REM1: variants seen among roughly 807,000 people sequenced by gnomAD.
The protein encoded by REM1 is RRAD and GEM like GTPase 1, also known as GTP-binding protein REM 1.
Under a neutral mutation model 27.0 loss-of-function variants are expected in REM1, and 20 were observed. The observed-to-expected ratio is 0.74, with a 90% CI of 0.52 to 1.08. The LOEUF (loss-of-function observed/expected upper bound fraction) is 1.08. Among genes scored for constraint, REM1 ranks in the 50% least tolerant of loss-of-function variants. The probability of loss-of-function intolerance (pLI) is 0.00; values close to 1 mark genes in which losing one functional copy is unlikely to be tolerated. For missense variants in REM1, 405 were observed against 407.0 expected (o/e 1.00, Z 0.04); for synonymous variants, 159 against 167.9 (o/e 0.95, Z 0.41).
At chr20:31,476,942 C>G (rs778926720) in intron 2 of REM1, among the ~76,000 whole-genome samples, 157 bp downstream of exon 2, 12 of 152,106 alleles carry the variant, frequency 7.9e-5, no homozygotes, top group Non-Finnish European at 1.6e-4. Flanking sequence ...TGCCCCCCCG[C>G]CCTCCAAAGT....
chr20:31,479,709 G>C (rs191400411), intron 3 of REM1, among the ~76,000 whole-genome samples: 1 of 152,298 alleles, frequency 6.6e-6, no homozygotes, highest in Admixed American at 6.5e-5. Context: ...TGATATCAGA[G>C]AGGCTGAATC....
rs368058077 is a variant in REM1, at chr20:31,476,408, A to G, written c.-38A>G. The stretch of plus-strand genomic sequence containing the variant: ...GACAGCCAATTCCCCCTTCTTTCAG[A>G]AGGAAAGAAGGAAGAAGCAAACCCC... On this transcript the variant is annotated 5_prime_UTR_variant, in exon 2 of 5. Coordinates refer to ENST00000201979, the MANE Select transcript of REM1 (RefSeq NM_014012.6). 1.2e-5 allele frequency: 17 copies of G among 1,466,328 alleles called. No homozygotes were observed. In the South Asian group the frequency reaches 2.1e-4, roughly 18 times the overall value. 90.8% of individuals were successfully genotyped at this position (1,466,328 alleles called of 1,614,324 possible). A position where few individuals can be genotyped will look rare whatever the true frequency, so the allele number is the denominator to read the frequency against.
In REM1 at chr20:31,476,313, G is replaced by C. The variant is rs1038402012; in HGVS notation, c.-133G>C. The C allele has an allele frequency of 1.4e-6, 1 of 728,612 alleles. No homozygotes were observed. The highest frequency in any genetic ancestry group is 1.8e-5 in the African/African-American group (1 of 56,280). 45.1% of individuals were successfully genotyped at this position (728,612 alleles called of 1,614,324 possible). A position where few individuals can be genotyped will look rare whatever the true frequency, so the allele number is the denominator to read the frequency against. On this transcript the variant is annotated 5_prime_UTR_variant, in exon 2 of 5. Coordinates refer to ENST00000201979, the MANE Select transcript of REM1 (RefSeq NM_014012.6). ...CTCCTACTCCCATCTGAACAAGAGG[G>C]GGATCTGGAAGAAGCCATACAGCAG...
chr20:31,476,724 GACCAGCTTGGCCAGCCTCTTTGC>G lies in REM1; in HGVS notation c.281_303del (p.Thr94ArgfsTer9). On this transcript the variant is annotated frameshift_variant, in exon 2 of 5. Transcript: ENST00000201979. LOFTEE classifies it high-confidence loss of function. ...TACTTGGAGATCCTGGAGTGGGGAAGACCAGCTTGGCCAGCCTCTTTGCAGGGAAGCAAGAGAGGGACCTCCAT... is the reference window on the plus strand; with the variant it reads ...TACTTGGAGATCCTGGAGTGGGGAAGAGGGAAGCAAGAGAGGGACCTCCAT... 6.2e-7 allele frequency: 1 copy of G among 1,614,042 alleles called. No individual in the cohort carries two copies. Among genetic ancestry groups the G allele is most frequent in the Non-Finnish European group, 8.5e-7 (1 of 1,179,984 alleles).
At chr20:31,477,936 G>A (rs747194812) in intron 3 of REM1, 26 bp downstream of exon 3, 4 of 1,464,980 alleles carry the variant, frequency 2.7e-6, no homozygotes, top group East Asian at 2.3e-5. Flanking sequence ...CAGAATTTGG[G>A]GAGAGGGGTG....
chr20:31,482,673 C>T (rs1980778221), intron 4 of REM1, among the ~76,000 whole-genome samples, 185 bp downstream of exon 4: 1 of 152,200 alleles, frequency 6.6e-6, no homozygotes, highest in South Asian at 2.1e-4. Flanking sequence ...GTCCCCAGAT[C>T]CTGTCAGGCC....
chr20:31,475,839 C>G lies in REM1; in HGVS notation c.-219-388C>G, dbSNP rs1006788980. Among the ~76,000 whole-genome samples, 2 of 152,230 alleles carry G rather than the reference C, an allele frequency of 1.3e-5. No individual in the cohort carries two copies. The highest frequency in any genetic ancestry group is 2.9e-5 in the Non-Finnish European group (2 of 68,040). On this transcript the variant is annotated intron_variant, in intron 1 of 4. Transcript: ENST00000201979. This position sits in a 1 kb window ranked among gnomAD's most constrained non-coding sequence, Gnocchi z 5.0. ...AGTCGGGTTACCCCCATACCCCCCT[C>G]GCGCTTCTGGAGTGCCAACCCGCCC...
chr20:31,476,383 G>A lies in REM1; in HGVS notation c.-63G>A, dbSNP rs1431540532. 5 of 1,356,068 alleles carry A rather than the reference G, an allele frequency of 3.7e-6. No individual in the cohort carries two copies. In the South Asian group the frequency reaches 4.1e-5, roughly 11 times the overall value. 84.0% of individuals were successfully genotyped at this position (1,356,068 alleles called of 1,614,324 possible). On this transcript the variant is annotated 5_prime_UTR_variant, in exon 2 of 5. Coordinates refer to ENST00000201979, the MANE Select transcript of REM1 (RefSeq NM_014012.6). ...AAGAAGCAGCTCAAAGCAATTGGCT[G>A]ACAGCCAATTCCCCCTTCTTTCAGA...
At chr20:31,480,881 T>C (rs1980706363) in intron 3 of REM1, among the ~76,000 whole-genome samples, 1 of 152,182 alleles carries the variant, frequency 6.6e-6, no homozygotes, top group Admixed American at 6.5e-5. Context: ...AAATGATCAG[T>C]ATGGCTGTTG....
intron 3 of REM1, among the ~76,000 whole-genome samples, chr20:31,479,974 A>T (rs924466403): frequency 6.6e-5 from 10 of 152,112 alleles, no homozygotes; most frequent in Non-Finnish European, 1.3e-4. Flanking sequence ...CTGTAATCCC[A>T]GCTACTCAGG....
intron 3 of REM1, among the ~76,000 whole-genome samples, chr20:31,480,056 T>G (rs1326044088): frequency 1.3e-5 from 2 of 151,808 alleles, no homozygotes; most frequent in Non-Finnish European, 2.9e-5. Flanking sequence ...GCCATTGCAC[T>G]CCAGCCTAGG....
In REM1 at chr20:31,484,288, C is replaced by T. The variant is rs1214988180; in HGVS notation, c.755C>T (p.Ala252Val). The stretch of plus-strand genomic sequence containing the variant: ...CGCTTGCGCCGCCGGGACAGTGCGG[C>T]CAAGGAACCCCCAGCACCCCGACGG... ...QLRLRRRDSAAKEPPAPRRPA... is the reference protein window; with the variant it reads ...QLRLRRRDSAVKEPPAPRRPA... The change falls in exon 5 of 5, where the codon GCC (alanine) becomes GTC (valine). Residue 252 changes from alanine to valine, a missense_variant. Transcript: ENST00000201979. 1.3e-6 allele frequency: 2 copies of T among 1,589,232 alleles called. No homozygotes were observed. The highest frequency in any genetic ancestry group is 2.7e-5 in the African/African-American group (2 of 74,670).
intron 3 of REM1, 73 bp from the exon 4 acceptor site, chr20:31,482,214 C>A: frequency 7.0e-7 from 1 of 1,436,732 alleles, no homozygotes; most frequent in Non-Finnish European, 9.7e-7. Context: ...CCCATTAGAC[C>A]ATCCCAGCTC....
At chr20:31,478,457 A>T (rs1980603682) in intron 3 of REM1, among the ~76,000 whole-genome samples, 1 of 152,244 alleles carries the variant, frequency 6.6e-6, no homozygotes, top group Non-Finnish European at 1.5e-5. Context: ...TGTAAATGAT[A>T]ACTCTTAGTA....
chr20:31,481,039 G>A (rs1253674475), intron 3 of REM1, among the ~76,000 whole-genome samples: 3 of 152,100 alleles, frequency 2.0e-5, no homozygotes, highest in South Asian at 2.1e-4. Flanking sequence ...TTGGGAGGCC[G>A]AGGTGGGTGG....
chr20:31,478,564 T>C (rs1214503731), intron 3 of REM1, among the ~76,000 whole-genome samples: 2 of 152,222 alleles, frequency 1.3e-5, no homozygotes, highest in Non-Finnish European at 2.9e-5. Flanking sequence ...GTTTGTGTTT[T>C]CTTTTCTTTT....
intron 4 of REM1, 44 bp from the exon 5 acceptor site, chr20:31,484,115 T>TC: frequency 6.6e-7 from 1 of 1,516,166 alleles, no homozygotes; most frequent in Non-Finnish European, 8.8e-7. Context: ...TTCTCCGCCT[T>TC]CCGTTATGGC....
At chr20:31,483,681 A>C (rs1980805437) in intron 4 of REM1, among the ~76,000 whole-genome samples, 1 of 152,020 alleles carries the variant, frequency 6.6e-6, no homozygotes, top group Non-Finnish European at 1.5e-5. Context: ...AGAAAGGAAA[A>C]AGCTAGTTTC....
chr20:31,479,196 C>T (rs1053633230), intron 3 of REM1, among the ~76,000 whole-genome samples: 1 of 152,208 alleles, frequency 6.6e-6, no homozygotes. Context: ...TGTCCTCCCC[C>T]TCAAGAGCAT....
Sources: allele counts gnomAD v4.1 joint callset (sites outside exome capture counted in the v4.1 genomes callset), GRCh38; gene constraint gnomAD v4.1.1; non-coding constraint Gnocchi (gnomAD v3.1); transcripts MANE v1.5; gene names NCBI Gene and HGNC (gene_info 2026-07-23, HGNC 2026-07-21).